POU2F3: variants seen among roughly 807,000 people sequenced by gnomAD.
POU2F3 encodes POU class 2 homeobox 3.
POU2F3 carries 23 observed loss-of-function variants against 59.2 expected under a neutral mutation model. The ratio of observed to expected loss-of-function variants is 0.39; its 90% CI spans 0.28 to 0.55. The LOEUF (loss-of-function observed/expected upper bound fraction) is 0.55. Among genes scored for constraint, POU2F3 ranks in the 20% least tolerant of loss-of-function variants. The pLI is 0.66. For missense variants in POU2F3, 473 were observed against 544.5 expected, an observed-to-expected ratio of 0.87 and a Z score of 1.31; for synonymous variants, 190 against 214.6, an observed-to-expected ratio of 0.89 and a Z score of 1.00.
chr11:120,238,346 C>G (rs755454660), upstream of POU2F3, among the ~76,000 whole-genome samples: 10 of 152,038 alleles, frequency 6.6e-5, no homozygotes, highest in Non-Finnish European at 8.8e-5. Context: ...TGTATGTGGA[C>G]CTGAAGAAGC....
chr11:120,245,821 G>A (rs1392417362), intron 1 of POU2F3, among the ~76,000 whole-genome samples: 3 of 152,172 alleles, frequency 2.0e-5, no homozygotes, highest in Admixed American at 2.0e-4. Context: ...AGTTGAAGGA[G>A]TAGGAGAGAA....
At chr11:120,257,175 T>C (rs915520119) in intron 2 of POU2F3, among the ~76,000 whole-genome samples, 1 of 152,238 alleles carries the variant, frequency 6.6e-6, no homozygotes, top group African/African-American at 2.4e-5. Context: ...TGGAAAATTC[T>C]CTGATCTTGC....
At chr11:120,317,617 C>T (rs753907140) in intron 12 of POU2F3, among the ~76,000 whole-genome samples, 9 of 152,218 alleles carry the variant, frequency 5.9e-5, no homozygotes, top group Non-Finnish European at 8.8e-5. Context: ...TCCATCCTTA[C>T]TTTGAGGGTG....
intron 3 of POU2F3, among the ~76,000 whole-genome samples, chr11:120,272,772 C>T (rs1940132688): frequency 6.6e-6 from 1 of 152,192 alleles, no homozygotes; most frequent in Admixed American, 6.5e-5. Flanking sequence ...GCAAGGCCAA[C>T]CCTCCATCCC....
At chr11:120,305,439 G>A (rs946584931) in intron 7 of POU2F3, 36 of 932,474 alleles carry the variant, frequency 3.9e-5, no homozygotes, top group Non-Finnish European at 5.1e-5. Flanking sequence ...TCCTGAGCAC[G>A]TGGGCGTGGT....
chr11:120,264,048 C>T (rs529150771), intron 2 of POU2F3, among the ~76,000 whole-genome samples: 21 of 152,244 alleles, frequency 1.4e-4, no homozygotes, highest in African/African-American at 4.3e-4. Context: ...ACACATAAGC[C>T]ACTGACTCTA....
At chr11:120,239,747 G>A (rs929405346), upstream of POU2F3, among the ~76,000 whole-genome samples, 2 of 152,204 alleles carry the variant, frequency 1.3e-5, no homozygotes, top group African/African-American at 2.4e-5. Context: ...GTAAGCGGTT[G>A]GGAGGCGAGA....
chr11:120,298,273 C>T lies in POU2F3; in HGVS notation c.141C>T (p.Thr47=), dbSNP rs139585451. ...CTTGCTTCCACTTGCAGATTAAAACCGAAGATCTCAGTGACTCCCTGCAGC... is the reference window on the plus strand; with the variant it reads ...CTTGCTTCCACTTGCAGATTAAAACTGAAGATCTCAGTGACTCCCTGCAGC... ...NGLDFNRQIK[T]EDLSDSLQQT... is the part of the protein sequence containing the mutation. Residue 47 remains threonine (T), a synonymous_variant, in exon 4 of 13, where the codon ACC becomes ACT. Coordinates refer to ENST00000543440, the MANE Select transcript of POU2F3 (RefSeq NM_014352.4). 6.2e-6 allele frequency: 10 copies of T among 1,612,214 alleles called. No individual in the cohort carries two copies. Among genetic ancestry groups the T allele is most frequent in the African/African-American group, 2.7e-5 (2 of 74,786 alleles).
Position 120,307,536 on chromosome 11 carries a change from A to T in POU2F3, c.827A>T (p.Glu276Val). Residue 276 changes from glutamate to valine, a missense_variant, in exon 9 of 13, where the codon GAA becomes GTA. Physicochemically the swap from Glu to Val is moderately radical, Grantham distance 121. Coordinates refer to ENST00000543440, the MANE Select transcript of POU2F3 (RefSeq NM_014352.4). ...CCCAGCTCCTACCCCAGCCTCAGTG[A>T]AGTATTTGGTAGGAAGAGAAAGAAA... ...STPSSYPSLS[E>V]VFGRKRKKRT... 6.2e-7 allele frequency: 1 copy of T among 1,614,086 alleles called. No homozygotes were observed. The highest frequency in any genetic ancestry group is 8.5e-7 in the Non-Finnish European group (1 of 1,179,998).
intron 2 of POU2F3, among the ~76,000 whole-genome samples, chr11:120,255,711 G>C (rs1042831611): frequency 6.6e-6 from 1 of 152,056 alleles, no homozygotes; most frequent in Non-Finnish European, 1.5e-5. Flanking sequence ...AGGAGTCGGC[G>C]CTGGGCTGGG....
chr11:120,317,058 G>A (rs946875959), intron 11 of POU2F3, 171 bp from the exon 12 acceptor site: 3 of 712,732 alleles, frequency 4.2e-6, no homozygotes, highest in Non-Finnish European at 4.8e-6. Context: ...TCTGGGTGTG[G>A]GCAGAAGTTG....
At chr11:120,305,467 A>G in intron 7 of POU2F3, 177 bp from the exon 8 acceptor site, 1 of 1,087,618 alleles carries the variant, frequency 9.2e-7, no homozygotes, top group Non-Finnish European at 1.3e-6. Context: ...GAGTCTAAGG[A>G]GAGAAAGAAA....
chr11:120,244,451 A>G (rs1469593086), intron 1 of POU2F3, among the ~76,000 whole-genome samples: 3 of 152,212 alleles, frequency 2.0e-5, no homozygotes, highest in East Asian at 3.8e-4. Context: ...TGGGAAGTGT[A>G]TATCATTATT....
intron 5 of POU2F3, chr11:120,300,765 G>GAA (rs35084550): frequency 8.3e-4 from 182 of 218,972 alleles, no homozygotes; most frequent in South Asian, 2.7e-3. Context: ...CTCTGTCTCT[G>GAA]AAAAAAAAAA....
At position 120,285,203 on chromosome 11, in the gene POU2F3, G is replaced by T. The variant is rs1371425425; in HGVS notation, c.133-13062G>T. Among the ~76,000 whole-genome samples, 3 of 152,168 alleles carry T rather than the reference G, an allele frequency of 2.0e-5. No individual in the cohort carries two copies. Among genetic ancestry groups the T allele is most frequent in the Admixed American group, 2.0e-4 (3 of 15,274 alleles). ...TCATGAGCCTCAAAAGCCTAAGAAA[G>T]AGTGATTCCAGTACGACCTATGCCT... On this transcript the variant is annotated intron_variant, in intron 3 of 12. Coordinates refer to ENST00000543440, the MANE Select transcript of POU2F3 (RefSeq NM_014352.4). This position sits in a 1 kb window ranked among gnomAD's most constrained non-coding sequence, Gnocchi z 4.3.
chr11:120,260,587 C>T (rs977090908), intron 2 of POU2F3, among the ~76,000 whole-genome samples: 1 of 152,234 alleles, frequency 6.6e-6, no homozygotes, highest in Non-Finnish European at 1.5e-5. Flanking sequence ...CTCTTGATCA[C>T]TTAATTCAAA....
intron 2 of POU2F3, among the ~76,000 whole-genome samples, chr11:120,248,997 C>G (rs1415681737): frequency 6.6e-6 from 1 of 152,170 alleles, no homozygotes; most frequent in Non-Finnish European, 1.5e-5. Flanking sequence ...ACCCCCTGTG[C>G]TGCGTGAAAT....
rs115050318 is a variant in POU2F3, at chr11:120,312,659, T to C, written c.1069-2702T>C. ...TTAAGCATTCACTGAGCACCTGCTA[T>C]ATGTTTGGTACTGGGGCTCCAGTGG... On this transcript the variant is annotated intron_variant, in intron 10 of 12. Coordinates refer to ENST00000543440, the MANE Select transcript of POU2F3 (RefSeq NM_014352.4). 3.8e-3 allele frequency among the ~76,000 whole-genome samples: 573 copies of C among 152,274 alleles called. 1 individual carries two copies. Among genetic ancestry groups the C allele is most frequent in the African/African-American group, 0.013 (556 of 41,552 alleles).
chr11:120,262,028 T>C (rs1166091100), intron 2 of POU2F3, among the ~76,000 whole-genome samples: 1 of 152,222 alleles, frequency 6.6e-6, no homozygotes, highest in African/African-American at 2.4e-5. Context: ...GCTTCTACCA[T>C]TGTTCTGCTC....
Sources: gnomAD v4.1 joint callset for allele counts (sites outside exome capture counted in the v4.1 genomes callset) on GRCh38, gnomAD v4.1.1 for gene constraint, Gnocchi (gnomAD v3.1) non-coding constraint, MANE v1.5 for transcripts, NCBI Gene and HGNC (gene_info 2026-07-23, HGNC 2026-07-21) for gene names.